Variants in MED27 observed in about 807,000 individuals in gnomAD.
MED27 encodes mediator complex subunit 27.
In MED27, 30 loss-of-function variants were observed where a neutral mutation model predicts 38.2. The ratio of observed to expected loss-of-function variants is 0.79; its 90% CI spans 0.59 to 1.07. MED27 has a LOEUF of 1.07. MED27 is among the 50% of genes least tolerant of loss of function. The probability of loss-of-function intolerance (pLI) is 0.00; values close to 1 mark genes in which losing one functional copy is unlikely to be tolerated. For synonymous variants in MED27, 122 were observed against 153.5 expected (o/e 0.79, Z 1.52); for missense variants, 289 against 397.5 (o/e 0.73, Z 2.32).
intron 3 of MED27, among the ~76,000 whole-genome samples, chr9:131,941,560 C>T (rs570777646): frequency 1.1e-4 from 16 of 152,070 alleles, no homozygotes; most frequent in African/African-American, 3.6e-4. Flanking sequence ...TGGTAAACAA[C>T]GACAACAGTA....
At chr9:132,057,657 A>AC (rs1359741479) in intron 2 of MED27, among the ~76,000 whole-genome samples, 40 of 152,316 alleles carry the variant, frequency 2.6e-4, no homozygotes, top group African/African-American at 8.4e-4. Flanking sequence ...TCCCACACTC[A>AC]CCGAGGGAGT....
Position 132,077,444 on chromosome 9 carries a change from T to C in MED27, c.346A>G (p.Lys116Glu), listed in dbSNP as rs765860217. 1.9e-6 allele frequency: 3 copies of C among 1,613,786 alleles called. No individual in the cohort carries two copies. In the South Asian group the frequency reaches 3.3e-5, roughly 18 times the overall value. Reference protein sequence around the residue: ...QLLQAYKWSNKLQYHAGLASG... With the variant: ...QLLQAYKWSNELQYHAGLASG... ...TCCGTTTATTACATCTCCCTTACCT[T>C]GTTTGACCACTTATATGCTTGAAGG... Residue 116 changes from lysine (K) to glutamate (E), a missense_variant and splice_region_variant, in exon 2 of 8, where the codon AAG (lysine) becomes GAG (glutamate). Physicochemically the swap from Lys to Glu is moderately conservative, Grantham distance 56. Transcript: ENST00000292035.
chr9:132,063,044 C>T (rs567869956), intron 2 of MED27, among the ~76,000 whole-genome samples: 16 of 152,132 alleles, frequency 1.1e-4, no homozygotes, highest in Non-Finnish European at 2.1e-4. Context: ...TGCAAGTGTC[C>T]TAGTGACAAA....
chr9:131,942,462 G>C (rs1830806647), intron 3 of MED27, among the ~76,000 whole-genome samples: 1 of 152,174 alleles, frequency 6.6e-6, no homozygotes, highest in Admixed American at 6.5e-5. Flanking sequence ...CGACTCAGCA[G>C]GAAGCAAACA....
intron 6 of MED27, among the ~76,000 whole-genome samples, chr9:131,866,829 G>C (rs989847849): frequency 2.6e-5 from 4 of 152,350 alleles, no homozygotes; most frequent in African/African-American, 9.6e-5. Context: ...CCTGCACTCA[G>C]GATGAAATGC....
At chr9:131,988,066 T>A (rs7019796) in intron 3 of MED27, among the ~76,000 whole-genome samples, 2 of 152,110 alleles carry the variant, frequency 1.3e-5, no homozygotes, top group Non-Finnish European at 2.9e-5. Flanking sequence ...ACAAAAATCA[T>A]TTCCGTAAAT....
At chr9:131,960,988 G>T (rs745970842) in intron 3 of MED27, among the ~76,000 whole-genome samples, 1 of 152,198 alleles carries the variant, frequency 6.6e-6, no homozygotes, top group Non-Finnish European at 1.5e-5. Context: ...AGAAATGACC[G>T]CCTGTAGAGG....
intron 3 of MED27, among the ~76,000 whole-genome samples, chr9:132,001,412 C>T (rs1340365518): frequency 6.6e-6 from 1 of 152,068 alleles, no homozygotes; most frequent in African/African-American, 2.4e-5. Context: ...AAAAACAATA[C>T]ACATCAGATC....
intron 2 of MED27, among the ~76,000 whole-genome samples, chr9:132,014,924 T>C (rs1228352450): frequency 6.6e-6 from 1 of 152,268 alleles, no homozygotes. Context: ...ATATGCTTTA[T>C]GTAAATGGTT....
At chr9:131,897,438 C>A (rs1354100055) in intron 4 of MED27, among the ~76,000 whole-genome samples, 5 of 152,196 alleles carry the variant, frequency 3.3e-5, no homozygotes, top group African/African-American at 4.8e-5. Context: ...TAAATCAAAT[C>A]AAAACTTATG....
At chr9:132,018,266 A>G (rs2131082314) in intron 2 of MED27, among the ~76,000 whole-genome samples, 1 of 152,364 alleles carries the variant, frequency 6.6e-6, no homozygotes. Context: ...AGGTCTTTAC[A>G]GAATCCTCTT....
intron 3 of MED27, among the ~76,000 whole-genome samples, chr9:131,981,011 CA>C (rs200777509): frequency 2.0e-5 from 3 of 151,846 alleles, no homozygotes; most frequent in African/African-American, 7.3e-5. Flanking sequence ...TTCACACACA[CA>C]AAAAAAATTC....
intron 2 of MED27, among the ~76,000 whole-genome samples, chr9:132,037,239 C>A (rs1286053277): frequency 6.6e-6 from 1 of 152,158 alleles, no homozygotes; most frequent in African/African-American, 2.4e-5. Flanking sequence ...CGAATAAACA[C>A]GCTTGAAGTG....
chr9:131,893,440 T>C lies in MED27; in HGVS notation c.681+445A>G, dbSNP rs376848046. Among the ~76,000 whole-genome samples, 16 of 152,288 alleles carry C rather than the reference T, an allele frequency of 1.1e-4. No individual in the cohort carries two copies. In the South Asian group the frequency reaches 3.3e-3, roughly 32 times the overall value. On this transcript the variant is annotated intron_variant, in intron 5 of 7. Coordinates refer to ENST00000292035, the MANE Select transcript of MED27 (RefSeq NM_004269.4). ...CAGCAGTATTCAATATATGCTGCTG[T>C]GCACAGCCACTTCCTAAGGGCGACT...
intron 3 of MED27, among the ~76,000 whole-genome samples, chr9:131,951,622 G>A (rs1352291250): frequency 6.6e-6 from 1 of 152,206 alleles, no homozygotes; most frequent in East Asian, 1.9e-4. Context: ...AAATAAGGTA[G>A]CATCACTATC....
chr9:131,908,244 G>A (rs1257178544), intron 4 of MED27, among the ~76,000 whole-genome samples: 1 of 147,816 alleles, frequency 6.8e-6, no homozygotes, highest in Non-Finnish European at 1.5e-5. Context: ...CCCCGTCCGG[G>A]AGGGAGGTGG....
intron 6 of MED27, among the ~76,000 whole-genome samples, chr9:131,864,462 G>A (rs1028255779): frequency 2.0e-5 from 3 of 152,170 alleles, no homozygotes; most frequent in African/African-American, 4.8e-5. Context: ...CAGCCTGGGC[G>A]ACAGAGACCT....
chr9:131,919,811 C>CTT (rs34501268), intron 4 of MED27, among the ~76,000 whole-genome samples: 6,357 of 141,668 alleles, frequency 0.045, 388 homozygotes, highest in African/African-American at 0.13. Context: ...ATTCTTCTTC[C>CTT]TTTTTTTTTT....
intron 4 of MED27, among the ~76,000 whole-genome samples, chr9:131,896,297 G>A (rs566707708): frequency 1.3e-5 from 2 of 152,172 alleles, no homozygotes; most frequent in Non-Finnish European, 2.9e-5. Context: ...CTCTCCTCTG[G>A]AAGGGCCACT....
Sources: gnomAD v4.1 joint callset for allele counts (sites outside exome capture counted in the v4.1 genomes callset) on GRCh38, gnomAD v4.1.1 for gene constraint, MANE v1.5 for transcripts, NCBI Gene and HGNC (gene_info 2026-07-23, HGNC 2026-07-21) for gene names.